Variants in VWA8 observed in about 807,000 individuals in gnomAD.
VWA8 encodes von Willebrand factor A domain containing 8, also known as von Willebrand factor A domain-containing protein 8.
Under a neutral mutation model 241.5 loss-of-function variants are expected in VWA8, and 221 were observed. The observed-to-expected ratio is 0.91, with a 90% confidence interval of 0.82 to 1.02. The LOEUF is 1.02. VWA8 is among the 50% of genes least tolerant of loss of function. The pLI is 0.00. For synonymous variants in VWA8, 852 were observed against 827.1 expected, an observed-to-expected ratio of 1.03 and a Z score of -0.52; for missense variants, 2,322 against 2,328.7, an observed-to-expected ratio of 1.00 and a Z score of 0.06.
At chr13:41,792,240 C>T (rs747408510) in intron 17 of VWA8, among the ~76,000 whole-genome samples, 5 of 150,710 alleles carry the variant, frequency 3.3e-5, no homozygotes, top group Non-Finnish European at 3.0e-5. Flanking sequence ...CCAGTGCTTT[C>T]TTAATCAAAA....
chr13:41,685,208 G>T lies in VWA8; in HGVS notation c.4166C>A (p.Ser1389Ter). ...AGTGCCACTTCGTTTATGCAAAGATGATGGTCTCTTCCAAGAATAAACTTC... is the reference window on the plus strand; with the variant it reads ...AGTGCCACTTCGTTTATGCAAAGATTATGGTCTCTTCCAAGAATAAACTTC... ...PSEVYSWKRPSSLHKRSGTDT... is the reference protein window; with the variant it reads ...PSEVYSWKRP The change falls in exon 35 of 45, where the codon TCA (serine) becomes TAA (stop). Residue 1389 changes from serine to a stop codon, truncating the protein, a stop_gained. Transcript: ENST00000379310. LOFTEE classifies it high-confidence loss of function. 2 of 1,612,872 alleles carry T rather than the reference G, an allele frequency of 1.2e-6. No individual in the cohort carries two copies. Among genetic ancestry groups the T allele is most frequent in the Non-Finnish European group, 1.7e-6 (2 of 1,179,536 alleles).
chr13:41,894,391 T>C (rs1312215755), intron 4 of VWA8, among the ~76,000 whole-genome samples: 1 of 152,168 alleles, frequency 6.6e-6, no homozygotes, highest in Non-Finnish European at 1.5e-5. Context: ...AAAGTAGGGA[T>C]AGATGGAAAA....
chr13:41,808,250 C>T (rs1459862308), intron 17 of VWA8, among the ~76,000 whole-genome samples: 11 of 152,130 alleles, frequency 7.2e-5, no homozygotes, highest in Admixed American at 7.2e-4. Context: ...TAGTATCATA[C>T]TTGTGTTAGT....
intron 37 of VWA8, among the ~76,000 whole-genome samples, chr13:41,655,090 AT>A (rs35973790): frequency 0.043 from 5,895 of 138,160 alleles, 124 homozygotes; most frequent in South Asian, 0.076. Flanking sequence ...AAAAACTGAA[AT>A]TTTTTTTTTT....
At chr13:41,877,088 C>G (rs927797805) in intron 9 of VWA8, among the ~76,000 whole-genome samples, 1 of 151,988 alleles carries the variant, frequency 6.6e-6, no homozygotes, top group Non-Finnish European at 1.5e-5. Flanking sequence ...ATAAAACCAC[C>G]AGAAAAACCT....
chr13:41,889,336 T>C (rs1224777456), intron 5 of VWA8, among the ~76,000 whole-genome samples: 1 of 152,056 alleles, frequency 6.6e-6, no homozygotes, highest in Non-Finnish European at 1.5e-5. Context: ...AAAAATGTAG[T>C]AGACCCTTCT....
At chr13:41,691,971 A>C in intron 30 of VWA8, 33 bp from the exon 31 acceptor site, 2 of 1,435,072 alleles carry the variant, frequency 1.4e-6, no homozygotes, top group Non-Finnish European at 2.0e-6. Context: ...ATTCATATTA[A>C]ATGTGTCAGA....
chr13:41,692,735 T>A, intron 30 of VWA8, 127 bp downstream of exon 30: 1 of 628,124 alleles, frequency 1.6e-6, no homozygotes, highest in East Asian at 2.9e-5. Context: ...TATACGTGCA[T>A]AACAGGAAAT....
chr13:41,778,832 C>CTTTTT (rs71096543), intron 19 of VWA8, among the ~76,000 whole-genome samples: 6 of 82,646 alleles, frequency 7.3e-5, no homozygotes, highest in African/African-American at 9.5e-5. Flanking sequence ...CAGTACGTCA[C>CTTTTT]TTTTTTTTTT....
intron 40 of VWA8, among the ~76,000 whole-genome samples, chr13:41,595,278 G>A (rs2044480808): frequency 6.6e-6 from 1 of 152,142 alleles, no homozygotes; most frequent in Admixed American, 6.6e-5. Context: ...CTTGAAGACT[G>A]TTTCCATTAC....
intron 37 of VWA8, among the ~76,000 whole-genome samples, chr13:41,617,892 G>GACA (rs2044631996): frequency 1.4e-5 from 2 of 145,170 alleles, no homozygotes; most frequent in African/African-American, 5.6e-5. Context: ...TCTATTATGG[G>GACA]TTGGTTCCAA....
intron 37 of VWA8, among the ~76,000 whole-genome samples, chr13:41,645,704 G>A (rs566129118): frequency 6.6e-6 from 1 of 152,268 alleles, no homozygotes; most frequent in Admixed American, 6.5e-5. Flanking sequence ...TTAAAAAAAC[G>A]AGAATAAATG....
At chr13:41,691,124 T>C (rs530759460) in intron 32 of VWA8, among the ~76,000 whole-genome samples, 196 bp downstream of exon 32, 5 of 152,302 alleles carry the variant, frequency 3.3e-5, no homozygotes, top group South Asian at 4.1e-4. Context: ...TTAATTTCAA[T>C]GTCATTTTCT....
At chr13:41,900,573 T>G (rs924949642) in intron 4 of VWA8, among the ~76,000 whole-genome samples, 3 of 152,202 alleles carry the variant, frequency 2.0e-5, no homozygotes, top group African/African-American at 7.2e-5. Context: ...TGCTTCTGAT[T>G]TGATATAAGA....
chr13:41,935,802 T>A (rs1428352849), intron 2 of VWA8, among the ~76,000 whole-genome samples: 1 of 151,866 alleles, frequency 6.6e-6, no homozygotes, highest in Non-Finnish European at 1.5e-5. Flanking sequence ...ATATCTTATA[T>A]GACACTCTGA....
intron 2 of VWA8, among the ~76,000 whole-genome samples, chr13:41,934,069 T>C (rs1327170310): frequency 1.3e-5 from 2 of 150,292 alleles, no homozygotes; most frequent in Non-Finnish European, 3.0e-5. Flanking sequence ...GCAAATCTTA[T>C]ATCTGATAAA....
At chr13:41,781,203 C>T (rs1868870101) in intron 19 of VWA8, among the ~76,000 whole-genome samples, 1 of 152,200 alleles carries the variant, frequency 6.6e-6, no homozygotes, top group Non-Finnish European at 1.5e-5. Flanking sequence ...ACTACCAAGA[C>T]TGAAAAGATC....
chr13:41,901,680 C>A (rs1459617450), intron 4 of VWA8, among the ~76,000 whole-genome samples: 1 of 151,632 alleles, frequency 6.6e-6, no homozygotes, highest in Non-Finnish European at 1.5e-5. Context: ...GCCTGGCCAA[C>A]ATGGCAAAAC....
Position 41,732,105 on chromosome 13 carries a change from A to C in VWA8, c.2477T>G (p.Leu826Arg), listed in dbSNP as rs1173913216. 1.2e-6 allele frequency: 2 copies of C among 1,613,440 alleles called. No individual in the cohort carries two copies. Among genetic ancestry groups the C allele is most frequent in the Admixed American group, 3.3e-5 (2 of 60,008 alleles). The change falls in exon 22 of 45, where the codon CTT becomes CGT. Residue 826 changes from leucine to arginine, a missense_variant. Coordinates refer to ENST00000379310, the MANE Select transcript of VWA8 (RefSeq NM_015058.2). ...CAAAGGTGAGTCTTCATATACAATA[A>C]GTCCGTCTTTAACCGAAGGCTGAAG... is the stretch of plus-strand genomic sequence containing the variant. Reference protein sequence around the residue: ...LTLQPSVKDGLIVYEDSPLVK... With the variant: ...LTLQPSVKDGRIVYEDSPLVK...
Sources: allele counts gnomAD v4.1 joint callset (sites outside exome capture counted in the v4.1 genomes callset), GRCh38; gene constraint gnomAD v4.1.1; transcripts MANE v1.5; gene names NCBI Gene and HGNC (gene_info 2026-07-23, HGNC 2026-07-21).